Variants in TACR3 observed in about 807,000 individuals in gnomAD.
TACR3 encodes neuromedin-K receptor.
In TACR3, 34 loss-of-function variants were observed where a neutral mutation model predicts 35.0. The ratio of observed to expected loss-of-function variants is 0.97; its 90% CI spans 0.74 to 1.30. TACR3 has a LOEUF of 1.30. TACR3 is among the 50% of genes most tolerant of loss of function. The pLI is 0.00. For synonymous variants in TACR3, 233 were observed against 221.1 expected (o/e 1.05, Z -0.48); for missense variants, 558 against 591.7 (o/e 0.94, Z 0.59).
chr4:103,647,195 T>C (rs1042108880), intron 3 of TACR3, among the ~76,000 whole-genome samples: 2 of 151,924 alleles, frequency 1.3e-5, no homozygotes, highest in African/African-American at 4.8e-5. Flanking sequence ...CTATGGTGTA[T>C]TGAATAAAGA....
In TACR3 at chr4:103,589,807, G is replaced by A. The variant is rs767138892; in HGVS notation, c.1273C>T (p.Arg425Trp). The A allele has an allele frequency of 6.2e-6, 10 of 1,613,776 alleles. No homozygotes were observed. The highest frequency in any genetic ancestry group is 1.6e-4 in the Middle Eastern group (1 of 6,082). Residue 425 changes from arginine to tryptophan, a missense_variant, in exon 5 of 5, where the codon CGG (arginine) becomes TGG (tryptophan). Arg to Trp is a moderately radical substitution (Grantham distance 101). Coordinates refer to ENST00000304883, the MANE Select transcript of TACR3 (RefSeq NM_001059.3). Reference sequence around the variant, plus strand: ...TCTCTTGGCGTTGCTCTTTTCTTCCGACTGGACCTGGTGGTGTCTGCATCG... The same window carrying A: ...TCTCTTGGCGTTGCTCTTTTCTTCCAACTGGACCTGGTGGTGTCTGCATCG... ...PNDADTTRSS[R>W]KKRATPRDPS...
At chr4:103,638,205 G>A (rs1725243044) in intron 3 of TACR3, among the ~76,000 whole-genome samples, 1 of 151,694 alleles carries the variant, frequency 6.6e-6, no homozygotes. Context: ...CAAGGCTACA[G>A]TAACCAAAAC....
chr4:103,712,521 C>G (rs555972660), intron 1 of TACR3, among the ~76,000 whole-genome samples: 9 of 152,096 alleles, frequency 5.9e-5, no homozygotes, highest in Non-Finnish European at 1.2e-4. Flanking sequence ...CACAAAAGCC[C>G]TAGAAGAAAA....
intron 3 of TACR3, among the ~76,000 whole-genome samples, chr4:103,615,396 TGTGAGAGAGA>T (rs1448411945): frequency 2.2e-4 from 27 of 122,606 alleles, no homozygotes; most frequent in African/African-American, 6.3e-4. Flanking sequence ...TGTGTGTGTG[TGTGAGAGAGA>T]GAGAGAGAGA....
chr4:103,633,929 T>C (rs749165862), intron 3 of TACR3, among the ~76,000 whole-genome samples: 1 of 152,052 alleles, frequency 6.6e-6, no homozygotes, highest in Non-Finnish European at 1.5e-5. Flanking sequence ...AGAAAGTACA[T>C]AAATATGAGT....
intron 3 of TACR3, among the ~76,000 whole-genome samples, chr4:103,622,598 G>A (rs903974804): frequency 3.9e-5 from 6 of 152,068 alleles, no homozygotes; most frequent in South Asian, 2.1e-4. Context: ...GCGTGGCAGC[G>A]TGTGCCTGTA....
At chr4:103,598,356 C>T (rs192976130) in intron 3 of TACR3, among the ~76,000 whole-genome samples, 1 of 152,084 alleles carries the variant, frequency 6.6e-6, no homozygotes, top group Non-Finnish European at 1.5e-5. Context: ...GATATTAGCC[C>T]TTTGTCAGAT....
chr4:103,667,783 G>T (rs949906901), intron 1 of TACR3, among the ~76,000 whole-genome samples: 2 of 152,114 alleles, frequency 1.3e-5, no homozygotes, highest in African/African-American at 4.8e-5. Context: ...CAACTTTATT[G>T]AGAGTTTAAT....
chr4:103,652,363 TG>T (rs1725639853), intron 3 of TACR3, among the ~76,000 whole-genome samples: 1 of 152,208 alleles, frequency 6.6e-6, no homozygotes, highest in East Asian at 1.9e-4. Flanking sequence ...TGCTTTCTCC[TG>T]TGACAGGGCA....
At chr4:103,669,606 A>AT (rs1055264332) in intron 1 of TACR3, among the ~76,000 whole-genome samples, 7 of 151,970 alleles carry the variant, frequency 4.6e-5, no homozygotes, top group African/African-American at 1.2e-4. Context: ...GATTCTGAGC[A>AT]TTTTTTTAAT....
chr4:103,589,996 T>C lies in TACR3; in HGVS notation c.1086-2A>G. The C allele has an allele frequency of 6.2e-7, 1 of 1,613,448 alleles. No individual in the cohort carries two copies. The highest frequency in any genetic ancestry group is 1.3e-5 in the African/African-American group (1 of 75,014). ...GCTCTCTTGAAGCCAGCTCGAAATC[T>C]GAGGAAAAGCAGGCCACAGAAAGAA... is the stretch of plus-strand genomic sequence containing the variant. On this transcript the variant is annotated splice_acceptor_variant, in intron 4 of 4. Transcript: ENST00000304883. LOFTEE classifies it high-confidence loss of function.
chr4:103,593,095 T>C (rs1723928582), intron 3 of TACR3, among the ~76,000 whole-genome samples: 1 of 152,228 alleles, frequency 6.6e-6, no homozygotes, highest in South Asian at 2.1e-4. Context: ...ATTTCTCAGA[T>C]TTCCTATTCA....
rs199866808 is a variant in TACR3 at position 103,589,510 on chromosome 4, A to G, written c.*172T>C. The stretch of plus-strand genomic sequence containing the variant: ...TATTTTGGGTGGAGGCTAACATGTT[A>G]TTAGTGTCTTTGTCACATTTATACA... On this transcript the variant is annotated 3_prime_UTR_variant, in exon 5 of 5. Transcript: ENST00000304883. 23 of 652,760 alleles carry G rather than the reference A, an allele frequency of 3.5e-5. 1 individual carries two copies. Among genetic ancestry groups the G allele is most frequent in the Non-Finnish European group, 5.7e-5 (22 of 385,496 alleles). The allele number at this position is 652,760 out of a possible 1,614,324, so 40.4% of individuals were successfully genotyped here.
intron 3 of TACR3, among the ~76,000 whole-genome samples, chr4:103,602,677 A>G (rs551226397): frequency 6.6e-6 from 1 of 152,300 alleles, no homozygotes; most frequent in Admixed American, 6.5e-5. Flanking sequence ...TTGCCTGGGT[A>G]TCAGCAGCAG....
At chr4:103,709,423 G>A (rs964349752) in intron 1 of TACR3, among the ~76,000 whole-genome samples, 1 of 152,116 alleles carries the variant, frequency 6.6e-6, no homozygotes, top group Non-Finnish European at 1.5e-5. Flanking sequence ...ATAAGTGAAG[G>A]AGAAATAAAA....
At chr4:103,637,937 G>A (rs1051852111) in intron 3 of TACR3, among the ~76,000 whole-genome samples, 5 of 149,336 alleles carry the variant, frequency 3.3e-5, no homozygotes, top group African/African-American at 1.3e-4. Flanking sequence ...TGAAATAAAA[G>A]GGGGATACAA....
intron 1 of TACR3, among the ~76,000 whole-genome samples, chr4:103,675,445 A>C (rs1726147480): frequency 6.6e-6 from 1 of 152,236 alleles, no homozygotes; most frequent in South Asian, 2.1e-4. Flanking sequence ...CAAGGAAAAT[A>C]GATGACATGC....
intron 3 of TACR3, among the ~76,000 whole-genome samples, chr4:103,598,683 T>G (rs1175699749): frequency 1.3e-5 from 2 of 152,208 alleles, no homozygotes; most frequent in African/African-American, 4.8e-5. Flanking sequence ...GCTAGCCAGT[T>G]TTCCCAGCAC....
At chr4:103,709,087 A>T (rs1722874756) in intron 1 of TACR3, among the ~76,000 whole-genome samples, 1 of 152,230 alleles carries the variant, frequency 6.6e-6, no homozygotes, top group South Asian at 2.1e-4. Flanking sequence ...ACTCTGCAGG[A>T]TATTATCCAG....
Sources: allele counts gnomAD v4.1 joint callset (sites outside exome capture counted in the v4.1 genomes callset), GRCh38; gene constraint gnomAD v4.1.1; transcripts MANE v1.5; gene names NCBI Gene and HGNC (gene_info 2026-07-23, HGNC 2026-07-21).